The following TMEM132B variants were observed in gnomAD, a reference collection of about 807,000 sequenced individuals.
TMEM132B encodes transmembrane protein 132B.
TMEM132B carries 18 observed loss-of-function variants against 90.8 expected under a neutral mutation model. That is an observed-to-expected ratio of 0.20 (90% CI 0.14 to 0.29). The LOEUF is 0.29. TMEM132B is among the 10% of genes least tolerant of loss of function. The probability of loss-of-function intolerance (pLI) is 1.00; values close to 1 mark genes in which losing one functional copy is unlikely to be tolerated. For missense variants in TMEM132B, 1,096 were observed against 1,326.8 expected (o/e 0.83, Z 2.70); for synonymous variants, 504 against 523.3 (o/e 0.96, Z 0.50).
intron 1 of TMEM132B, among the ~76,000 whole-genome samples, chr12:125,272,703 G>C (rs1593063786): frequency 6.6e-6 from 1 of 152,210 alleles, no homozygotes; most frequent in African/African-American, 2.4e-5. Flanking sequence ...TAAAGGCGGA[G>C]GGAAGGAGGG....
intron 2 of TMEM132B, among the ~76,000 whole-genome samples, chr12:125,402,204 A>G (rs1879339563): frequency 6.6e-6 from 1 of 152,012 alleles, no homozygotes; most frequent in Non-Finnish European, 1.5e-5. Flanking sequence ...GTCTATATCT[A>G]TTTGAGATGG....
At chr12:125,621,368 A>G (rs1886106678) in intron 5 of TMEM132B, among the ~76,000 whole-genome samples, 1 of 152,140 alleles carries the variant, frequency 6.6e-6, no homozygotes, top group Non-Finnish European at 1.5e-5. Flanking sequence ...AGGTGAATGT[A>G]AGGAATGATG....
At chr12:125,617,361 T>TC (rs1886013276) in intron 5 of TMEM132B, among the ~76,000 whole-genome samples, 1 of 151,474 alleles carries the variant, frequency 6.6e-6, no homozygotes, top group Admixed American at 6.6e-5. Context: ...TTTTTTTTTT[T>TC]TGAGACGGAA....
intron 1 of TMEM132B, among the ~76,000 whole-genome samples, chr12:125,272,328 G>T (rs1341377113): frequency 6.6e-6 from 1 of 152,192 alleles, no homozygotes; most frequent in Non-Finnish European, 1.5e-5. Context: ...CTTTTGGGGG[G>T]TTATTTAGGG....
intron 3 of TMEM132B, among the ~76,000 whole-genome samples, chr12:125,417,663 C>A (rs1297395974): frequency 6.6e-6 from 1 of 152,152 alleles, no homozygotes; most frequent in Non-Finnish European, 1.5e-5. Flanking sequence ...AGGTGCTCAA[C>A]CAGTAACCTT....
chr12:125,540,652 AC>A (rs56750866), intron 4 of TMEM132B, among the ~76,000 whole-genome samples: 2,791 of 152,292 alleles, frequency 0.018, 57 homozygotes, highest in African/African-American at 0.052. Context: ...CCTAATCCAG[AC>A]TTTTCAGGAC....
chr12:125,607,118 G>T (rs1885715837), intron 5 of TMEM132B, among the ~76,000 whole-genome samples: 1 of 152,154 alleles, frequency 6.6e-6, no homozygotes, highest in Non-Finnish European at 1.5e-5. Context: ...TGTCCATAGA[G>T]GGTTGACCTG....
rs904486649 is a variant in TMEM132B, at chr12:125,209,621, C to T, written c.67+22755C>T. ...CTCGTTCCTTGTCTCTCCAACCCACCGGCCATTGGCCCAGATCACAGGCAC... is the reference window on the plus strand; with the variant it reads ...CTCGTTCCTTGTCTCTCCAACCCACTGGCCATTGGCCCAGATCACAGGCAC... On this transcript the variant is annotated intron_variant, in intron 1 of 8. Transcript: ENST00000682704. The surrounding 1 kb of genome is among the most constrained non-coding windows in gnomAD (Gnocchi z 4.4). Among the ~76,000 whole-genome samples the T allele has an allele frequency of 3.9e-5, 6 of 152,220 alleles. No homozygotes were observed. Among genetic ancestry groups the T allele is most frequent in the African/African-American group, 7.2e-5 (3 of 41,452 alleles).
chr12:125,407,013 C>A lies in TMEM132B; in HGVS notation c.960-8518C>A, dbSNP rs1288967256. Among the ~76,000 whole-genome samples, 1 of 152,156 alleles carries A rather than the reference C, an allele frequency of 6.6e-6. No homozygotes were observed. Among genetic ancestry groups the A allele is most frequent in the Non-Finnish European group, 1.5e-5 (1 of 68,034 alleles). ...CCCAGAGCTGATGTGCAACCATAGG[C>A]ACAGAGTGCTGCCAACTGGGGGAGC... On this transcript the variant is annotated intron_variant, in intron 2 of 8. Transcript: ENST00000682704. This position sits in a 1 kb window ranked among gnomAD's most constrained non-coding sequence, Gnocchi z 6.7.
chr12:125,568,488 C>G (rs1261559691), intron 4 of TMEM132B, among the ~76,000 whole-genome samples: 1 of 152,176 alleles, frequency 6.6e-6, no homozygotes, highest in Admixed American at 6.5e-5. Context: ...GACTCCCGCT[C>G]TCAAGGTCAG....
At chr12:125,447,477 T>C (rs186074058) in intron 3 of TMEM132B, among the ~76,000 whole-genome samples, 3 of 152,368 alleles carry the variant, frequency 2.0e-5, no homozygotes, top group African/African-American at 7.2e-5. Flanking sequence ...TAATTCCATT[T>C]ATCATGCTCT....
intron 6 of TMEM132B, among the ~76,000 whole-genome samples, chr12:125,647,928 G>A (rs1048755670): frequency 7.4e-6 from 1 of 134,496 alleles, no homozygotes. Context: ...TATACTTTAA[G>A]TTTTAGGGTA....
At position 125,382,770 on chromosome 12, in the gene TMEM132B, C is replaced by T. The variant is rs1204125899; in HGVS notation, c.959+32427C>T. On this transcript the variant is annotated intron_variant, in intron 2 of 8. Coordinates refer to ENST00000682704, the MANE Select transcript of TMEM132B (RefSeq NM_001366854.1). ...AAATGTGTTTTAGGGTTTAACCACT[C>T]ATTGAATTATTCCAGATCGGGCTAA... Among the ~76,000 whole-genome samples the T allele has an allele frequency of 2.0e-5, 3 of 152,196 alleles. No homozygotes were observed. In the South Asian group the frequency reaches 6.2e-4, roughly 32 times the overall value.
intron 3 of TMEM132B, among the ~76,000 whole-genome samples, chr12:125,499,944 T>TGC (rs1333776586): frequency 1.3e-4 from 20 of 150,722 alleles, no homozygotes; most frequent in Non-Finnish European, 2.7e-4. Context: ...ACTTCATCCC[T>TGC]ATGTGACCAT....
chr12:125,426,515 T>A (rs1295489165), intron 3 of TMEM132B, among the ~76,000 whole-genome samples: 1 of 152,214 alleles, frequency 6.6e-6, no homozygotes, highest in Non-Finnish European at 1.5e-5. Context: ...CTGGTGTGTT[T>A]GTTAAAAAAA....
rs371141968 is a variant in TMEM132B, at chr12:125,341,304, A to G, written c.68-8148A>G. Among the ~76,000 whole-genome samples the G allele has an allele frequency of 2.4e-4, 36 of 152,302 alleles. No homozygotes were observed. The South Asian group carries it at 7.3e-3, about 31-fold the overall frequency. Reference sequence around the variant, plus strand: ...GAGTGGGGGTAAAAACTAAATCCTCATAGTCAAAAGATTATCAGAATTAAA... The same window carrying G: ...GAGTGGGGGTAAAAACTAAATCCTCGTAGTCAAAAGATTATCAGAATTAAA... On this transcript the variant is annotated intron_variant, in intron 1 of 8. Transcript: ENST00000682704.
chr12:125,496,816 C>G (rs1444266076), intron 3 of TMEM132B, among the ~76,000 whole-genome samples: 1 of 152,216 alleles, frequency 6.6e-6, no homozygotes, highest in East Asian at 1.9e-4. Context: ...TTCTGTAGGC[C>G]TTGCGAGGAC....
At chr12:125,244,167 CG>C (rs1276494009) in intron 1 of TMEM132B, among the ~76,000 whole-genome samples, 2 of 152,138 alleles carry the variant, frequency 1.3e-5, no homozygotes, top group Non-Finnish European at 2.9e-5. Flanking sequence ...GGTTGATAGA[CG>C]TGGGTTGTTT....
At chr12:125,548,535 G>A (rs1256582434) in intron 4 of TMEM132B, among the ~76,000 whole-genome samples, 1 of 152,176 alleles carries the variant, frequency 6.6e-6, no homozygotes, top group African/African-American at 2.4e-5. Context: ...ACAGTCCCTG[G>A]TATGAAAAGT....
Sources: gnomAD v4.1 joint callset for allele counts (sites outside exome capture counted in the v4.1 genomes callset) on GRCh38, gnomAD v4.1.1 for gene constraint, Gnocchi (gnomAD v3.1) non-coding constraint, MANE v1.5 for transcripts, NCBI Gene and HGNC (gene_info 2026-07-23, HGNC 2026-07-21) for gene names.